Variants in SCN10A observed in about 807,000 individuals in gnomAD.
SCN10A encodes the protein sodium voltage-gated channel alpha subunit 10.
Under a neutral mutation model 170.7 loss-of-function variants are expected in SCN10A, and 162 were observed. That is an observed-to-expected ratio of 0.95 (90% CI 0.84 to 1.08). SCN10A has a LOEUF of 1.08. Among genes scored for constraint, SCN10A ranks in the 50% least tolerant of loss-of-function variants. The probability of loss-of-function intolerance (pLI) is 0.00; values close to 1 mark genes in which losing one functional copy is unlikely to be tolerated. For synonymous variants in SCN10A, 985 were observed against 904.6 expected (o/e 1.09, Z -1.59); for missense variants, 2,527 against 2,436.9 (o/e 1.04, Z -0.78).
At chr3:38,780,677 G>C (rs2064129257) in intron 4 of SCN10A, among the ~76,000 whole-genome samples, 1 of 151,250 alleles carries the variant, frequency 6.6e-6, no homozygotes, top group South Asian at 2.1e-4. Flanking sequence ...CTTATTACTT[G>C]CTGTTTATTT....
intron 15 of SCN10A, among the ~76,000 whole-genome samples, chr3:38,732,801 T>C (rs766019743): frequency 1.3e-5 from 2 of 152,204 alleles, no homozygotes; most frequent in South Asian, 2.1e-4. Context: ...GTCAAGACAG[T>C]ACAAGAAAGA....
Position 38,765,200 on chromosome 3 carries a change from C to T in SCN10A, c.600-1604G>A, listed in dbSNP as rs369008282. ...GATGATTATTTCTCTTGCTGTGCAA[C>T]AGCTTTTTAGTTTAATTAGATCCCA... On this transcript the variant is annotated intron_variant, in intron 5 of 27. Coordinates refer to ENST00000449082, the MANE Select transcript of SCN10A (RefSeq NM_006514.4). Among the ~76,000 whole-genome samples the T allele has an allele frequency of 3.3e-5, 5 of 152,250 alleles. No individual in the cohort carries two copies. In the South Asian group the frequency reaches 1.0e-3, roughly 32 times the overall value.
At chr3:38,748,782 A>C (rs2126020479) in intron 13 of SCN10A, among the ~76,000 whole-genome samples, 1 of 152,274 alleles carries the variant, frequency 6.6e-6, no homozygotes, top group Middle Eastern at 3.4e-3. Context: ...GACCTAAGCT[A>C]AGGTTGCCTT....
Position 38,697,473 on chromosome 3 carries a change from G to A in SCN10A, c.5747C>T (p.Ser1916Leu). 4.3e-6 allele frequency: 7 copies of A among 1,614,182 alleles called. No homozygotes were observed. Among genetic ancestry groups the A allele is most frequent in the Non-Finnish European group, 5.9e-6 (7 of 1,180,038 alleles). ...PDKSETASAT[S>L]FPPSYESVTR... ...GACACTCTCATAGGACGGTGGGAAT[G>A]ATGTGGCAGAAGCAGTTTCAGATTT... The change falls in exon 28 of 28, where the codon TCA becomes TTA. Residue 1916 changes from serine to leucine, a missense_variant. By Grantham distance (145) the Ser-to-Leu change is moderately radical. Coordinates refer to ENST00000449082, the MANE Select transcript of SCN10A (RefSeq NM_006514.4).
At position 38,728,755 on chromosome 3, in the gene SCN10A, T is replaced by A; in HGVS notation, c.2427A>T (p.Leu809=). ...FVFALVGKQL[L]GENYRNNRKN... Reference sequence around the variant, plus strand: ...TTCGGTTGTTACGGTAGTTTTCCCCTAGGAGCTGCTTGCCAACCAGAGCAA... The same window carrying A: ...TTCGGTTGTTACGGTAGTTTTCCCCAAGGAGCTGCTTGCCAACCAGAGCAA... The change falls in exon 16 of 28, where the codon CTA becomes CTT. Residue 809 remains leucine (L), a synonymous_variant. Transcript: ENST00000449082. 1 of 1,614,024 alleles carries A rather than the reference T, an allele frequency of 6.2e-7. No individual in the cohort carries two copies. The highest frequency in any genetic ancestry group is 2.2e-5 in the East Asian group (1 of 44,880).
intron 26 of SCN10A, among the ~76,000 whole-genome samples, chr3:38,704,254 C>T (rs567363248): frequency 6.6e-6 from 1 of 152,276 alleles, no homozygotes; most frequent in South Asian, 2.1e-4. Flanking sequence ...ACCAAAGTGG[C>T]CTTTGCTCAT....
intron 6 of SCN10A, among the ~76,000 whole-genome samples, chr3:38,762,524 G>A (rs1251889043): frequency 6.6e-6 from 1 of 152,146 alleles, no homozygotes; most frequent in Non-Finnish European, 1.5e-5. Context: ...GTGAGCAATG[G>A]TGTGGAGTAT....
chr3:38,752,541 G>A, intron 11 of SCN10A, 29 bp from the exon 12 acceptor site: 5 of 1,503,936 alleles, frequency 3.3e-6, no homozygotes, highest in African/African-American at 2.8e-5. Context: ...GAGCAAGAAG[G>A]CTGGAAACTG....
intron 26 of SCN10A, among the ~76,000 whole-genome samples, chr3:38,705,431 G>C (rs2063200489): frequency 6.6e-6 from 1 of 152,152 alleles, no homozygotes; most frequent in African/African-American, 2.4e-5. Context: ...CATCCTCGGA[G>C]GATCTTAGTT....
intron 13 of SCN10A, among the ~76,000 whole-genome samples, chr3:38,746,724 T>G (rs552586846): frequency 1.8e-4 from 27 of 152,260 alleles, no homozygotes; most frequent in African/African-American, 6.5e-4. Flanking sequence ...TGCTTTGCAG[T>G]CCTTTCAGCC....
rs2063465392 is a variant in SCN10A at position 38,727,052 on chromosome 3, C to T, written c.2641G>A (p.Val881Met). The T allele has an allele frequency of 6.3e-7, 1 of 1,599,044 alleles. No individual in the cohort carries two copies. Among genetic ancestry groups the T allele is most frequent in the Non-Finnish European group, 8.6e-7 (1 of 1,167,410 alleles). The change falls in exon 17 of 28, where the codon GTG (valine) becomes ATG (methionine). Residue 881 changes from valine (V) to methionine (M), a missense_variant and splice_region_variant. Physicochemically the swap from Val to Met is conservative, Grantham distance 21 (BLOSUM62 1). Coordinates refer to ENST00000449082, the MANE Select transcript of SCN10A (RefSeq NM_006514.4). ...LTVMVLGNLV[V>M]LNLFIALLLN... Reference sequence around the variant, plus strand: ...AGCAGGGCGATGAACAGGTTAAGCACCTGAAGAGAAGGAATGGAAGGGAAG... The same window carrying T: ...AGCAGGGCGATGAACAGGTTAAGCATCTGAAGAGAAGGAATGGAAGGGAAG...
intron 15 of SCN10A, among the ~76,000 whole-genome samples, chr3:38,738,067 A>G (rs1015210012): frequency 2.0e-5 from 3 of 151,502 alleles, no homozygotes; most frequent in Non-Finnish European, 4.4e-5. Flanking sequence ...CAGTCTTCTG[A>G]GTAGCTAGGA....
rs370362441 is a variant in SCN10A at position 38,792,980 on chromosome 3, C to T, written c.270+761G>A. On this transcript the variant is annotated intron_variant, in intron 2 of 27. Coordinates refer to ENST00000449082, the MANE Select transcript of SCN10A (RefSeq NM_006514.4). Reference sequence around the variant, plus strand: ...ATATATATGTATATATGCTTATATACCTATATATACATAACTAGCTACATG... The same window carrying T: ...ATATATATGTATATATGCTTATATATCTATATATACATAACTAGCTACATG... Among the ~76,000 whole-genome samples the T allele has an allele frequency of 2.0e-5, 3 of 151,468 alleles. No individual in the cohort carries two copies. In the East Asian group the frequency reaches 5.8e-4, roughly 29 times the overall value.
At chr3:38,702,615 C>T (rs2063168468) in intron 26 of SCN10A, among the ~76,000 whole-genome samples, 1 of 152,224 alleles carries the variant, frequency 6.6e-6, no homozygotes, top group East Asian at 1.9e-4. Context: ...CCCTGCAGTG[C>T]CCTGCACATT....
chr3:38,778,396 C>T (rs1312488725), intron 4 of SCN10A, among the ~76,000 whole-genome samples: 1 of 151,866 alleles, frequency 6.6e-6, no homozygotes, highest in Non-Finnish European at 1.5e-5. Context: ...TGACCCCCTG[C>T]TCTCTTTACC....
Position 38,742,657 on chromosome 3 carries a change from C to G in SCN10A, c.1868-128G>C, listed in dbSNP as rs1352351938. 6.9e-6 allele frequency: 5 copies of G among 727,862 alleles called. No individual in the cohort carries two copies. The East Asian group carries it at 9.8e-5, about 14-fold the overall frequency. The allele number at this position is 727,862 out of a possible 1,614,324, so 45.1% of individuals were successfully genotyped here. A position where few individuals can be genotyped will look rare whatever the true frequency, so the allele number is the denominator to read the frequency against. On this transcript the variant is annotated intron_variant, in intron 13 of 27. Coordinates refer to ENST00000449082, the MANE Select transcript of SCN10A (RefSeq NM_006514.4). Reference sequence around the variant, plus strand: ...TCCAACATTTTGACTTCAGCCCTCTCTCTGTCTCTGGTATTCATTTCCTAT... The same window carrying G: ...TCCAACATTTTGACTTCAGCCCTCTGTCTGTCTCTGGTATTCATTTCCTAT...
intron 15 of SCN10A, among the ~76,000 whole-genome samples, chr3:38,736,603 G>GT (rs2063563170): frequency 6.6e-6 from 1 of 152,078 alleles, no homozygotes; most frequent in Admixed American, 6.6e-5. Context: ...CTCCGGTGAG[G>GT]TTTTGGCAAA....
At chr3:38,795,540 C>T (rs2064335318) in intron 1 of SCN10A, among the ~76,000 whole-genome samples, 1 of 151,806 alleles carries the variant, frequency 6.6e-6, no homozygotes, top group Admixed American at 6.6e-5. Flanking sequence ...CAGTGTACCA[C>T]TATATTGTCC....
At chr3:38,705,474 G>C (rs1012548309) in intron 26 of SCN10A, among the ~76,000 whole-genome samples, 4 of 152,154 alleles carry the variant, frequency 2.6e-5, no homozygotes, top group African/African-American at 9.7e-5. Context: ...TGATTTTGTT[G>C]CAGGTCTTCC....
Sources: gnomAD v4.1 joint callset for allele counts (sites outside exome capture counted in the v4.1 genomes callset) on GRCh38, gnomAD v4.1.1 for gene constraint, MANE v1.5 for transcripts, NCBI Gene and HGNC (gene_info 2026-07-23, HGNC 2026-07-21) for gene names.